The following SORCS2 variants were observed in gnomAD, a reference collection of about 807,000 sequenced individuals.
SORCS2 encodes sortilin related VPS10 domain containing receptor 2.
In SORCS2, 100 loss-of-function variants were observed where a neutral mutation model predicts 141.6. The ratio of observed to expected loss-of-function variants is 0.71; its 90% CI spans 0.60 to 0.83. The LOEUF is 0.83. Ranked by LOEUF, SORCS2 falls within the 40% of genes least tolerant of loss-of-function variation. The pLI is 0.00. For missense variants in SORCS2, 1,646 were observed against 1,560.2 expected (o/e 1.05, Z -0.93); for synonymous variants, 789 against 676.9 (o/e 1.17, Z -2.57).
Position 7,638,352 on chromosome 4 carries a change from A to G in SORCS2, c.673A>G (p.Ser225Gly). The stretch of plus-strand genomic sequence containing the variant: ...GGTCATCCTTGTCAGCTCCTCACTC[A>G]GTGACCGGGACCAGAGCCTATTCCT... The part of the protein sequence containing the change: ...RKVILVSSSL[S>G]DRDQSLFLSA... The change falls in exon 4 of 27, where the codon AGT becomes GGT. Residue 225 changes from serine (S) to glycine (G), a missense_variant. Coordinates refer to ENST00000507866, the MANE Select transcript of SORCS2 (RefSeq NM_020777.3). The G allele has an allele frequency of 2.0e-6, 3 of 1,517,666 alleles. No individual in the cohort carries two copies. Among genetic ancestry groups the G allele is most frequent in the South Asian group, 1.3e-5 (1 of 75,862 alleles). The allele number at this position is 1,517,666 out of a possible 1,614,324, so 94.0% of individuals were successfully genotyped here.
chr4:7,650,731 CCCAGCCCAGCCCA>C (rs1721386746), intron 4 of SORCS2, among the ~76,000 whole-genome samples: 220 of 89,994 alleles, frequency 2.4e-3, no homozygotes, highest in African/African-American at 0.013. Flanking sequence ...CCCCGCCCAG[CCCAGCCCAGCCCA>C]GCCCAGCCCA....
chr4:7,217,676 G>A (rs1203449387), intron 1 of SORCS2, among the ~76,000 whole-genome samples: 1 of 152,112 alleles, frequency 6.6e-6, no homozygotes, highest in Non-Finnish European at 1.5e-5. Flanking sequence ...TGGGGCCTTC[G>A]GCTCTCCTTG....
At chr4:7,709,079 G>T (rs1163110593) in intron 14 of SORCS2, among the ~76,000 whole-genome samples, 2 of 152,202 alleles carry the variant, frequency 1.3e-5, no homozygotes, top group African/African-American at 4.8e-5. Context: ...TTACGGGGAT[G>T]GGGAGTGAGG....
chr4:7,378,732 C>T (rs1722812110), intron 1 of SORCS2, among the ~76,000 whole-genome samples: 1 of 152,190 alleles, frequency 6.6e-6, no homozygotes, highest in Non-Finnish European at 1.5e-5. Context: ...CCAGGCTTTG[C>T]ATGTGTCATC....
At chr4:7,724,952 G>A (rs1385556706) in intron 19 of SORCS2, among the ~76,000 whole-genome samples, 36 of 127,354 alleles carry the variant, frequency 2.8e-4, no homozygotes, top group South Asian at 1.1e-3. Flanking sequence ...TGGTGGTGGT[G>A]TTGGTGATGG....
intron 3 of SORCS2, among the ~76,000 whole-genome samples, chr4:7,545,668 C>T (rs991740934): frequency 1.3e-5 from 2 of 152,160 alleles, no homozygotes; most frequent in Non-Finnish European, 2.9e-5. Context: ...CCAGACCCAC[C>T]CCGCTGCATC....
chr4:7,500,805 G>A (rs1180891637), intron 2 of SORCS2, among the ~76,000 whole-genome samples: 2 of 152,196 alleles, frequency 1.3e-5, no homozygotes, highest in African/African-American at 4.8e-5. Flanking sequence ...GAGCCTCAGC[G>A]ACCTCCATGT....
intron 1 of SORCS2, among the ~76,000 whole-genome samples, chr4:7,211,346 C>T (rs60082756): frequency 0.051 from 7,712 of 152,132 alleles, 399 homozygotes; most frequent in East Asian, 0.26. Context: ...GGCGCTGGGA[C>T]GGTCACTCCC....
At chr4:7,327,957 T>C (rs1174479098) in intron 1 of SORCS2, among the ~76,000 whole-genome samples, 1 of 151,582 alleles carries the variant, frequency 6.6e-6, no homozygotes, top group Non-Finnish European at 1.5e-5. Flanking sequence ...TCTCAGGAAC[T>C]TCCTTCTCTT....
chr4:7,602,764 G>A (rs549798937), intron 3 of SORCS2, among the ~76,000 whole-genome samples: 10 of 152,276 alleles, frequency 6.6e-5, no homozygotes, highest in South Asian at 4.2e-4. Flanking sequence ...GGTGGCGGCC[G>A]GGCAGAGGCT....
At chr4:7,644,838 C>T (rs1353759546) in intron 4 of SORCS2, among the ~76,000 whole-genome samples, 2 of 152,358 alleles carry the variant, frequency 1.3e-5, no homozygotes, top group East Asian at 1.9e-4. Context: ...TGATGAAATT[C>T]ACCCTTCCAC....
At chr4:7,455,854 G>A (rs1193387508) in intron 2 of SORCS2, among the ~76,000 whole-genome samples, 1 of 152,212 alleles carries the variant, frequency 6.6e-6, no homozygotes, top group Non-Finnish European at 1.5e-5. Context: ...TTCAGATTCT[G>A]TGTTAGCGTC....
chr4:7,538,722 A>C (rs1712331436), intron 3 of SORCS2, among the ~76,000 whole-genome samples: 1 of 152,196 alleles, frequency 6.6e-6, no homozygotes, highest in East Asian at 1.9e-4. Flanking sequence ...AGATATGAGA[A>C]GCACAGGGTT....
chr4:7,299,804 G>T (rs1305566324), intron 1 of SORCS2, among the ~76,000 whole-genome samples: 4 of 152,174 alleles, frequency 2.6e-5, no homozygotes, highest in South Asian at 4.2e-4. Flanking sequence ...CTCTGCAACG[G>T]ACCCCTGAGC....
chr4:7,379,403 G>A (rs573067254), intron 1 of SORCS2, among the ~76,000 whole-genome samples: 3 of 152,326 alleles, frequency 2.0e-5, no homozygotes, highest in East Asian at 3.9e-4. Flanking sequence ...AAGCACGAGA[G>A]GCGTATTCAG....
intron 3 of SORCS2, among the ~76,000 whole-genome samples, chr4:7,541,013 CA>C (rs1048397873): frequency 4.6e-5 from 7 of 152,226 alleles, no homozygotes; most frequent in African/African-American, 1.7e-4. Context: ...GGGGCTCAGA[CA>C]GGACCAAACT....
At chr4:7,240,301 GA>G (rs1175708300) in intron 1 of SORCS2, among the ~76,000 whole-genome samples, 1 of 152,200 alleles carries the variant, frequency 6.6e-6, no homozygotes, top group African/African-American at 2.4e-5. Context: ...GAACCCTGCT[GA>G]GCTTTGTTCT....
intron 4 of SORCS2, among the ~76,000 whole-genome samples, 191 bp downstream of exon 4, chr4:7,638,683 G>C (rs138988147): frequency 3.9e-5 from 6 of 152,124 alleles, no homozygotes; most frequent in Non-Finnish European, 7.4e-5. Flanking sequence ...TCAAGGGACC[G>C]TGCCCACTTG....
At chr4:7,397,461 T>C (rs1252875899) in intron 2 of SORCS2, among the ~76,000 whole-genome samples, 1 of 152,008 alleles carries the variant, frequency 6.6e-6, no homozygotes, top group Non-Finnish European at 1.5e-5. Flanking sequence ...TAGAAGCTCT[T>C]CTCGGTGTGG....
Sources: gnomAD v4.1 joint callset for allele counts (sites outside exome capture counted in the v4.1 genomes callset) on GRCh38, gnomAD v4.1.1 for gene constraint, MANE v1.5 for transcripts, NCBI Gene and HGNC (gene_info 2026-07-23, HGNC 2026-07-21) for gene names.